Variants in SNX29 observed in about 807,000 individuals in gnomAD.
The protein encoded by SNX29 is sorting nexin-29.
SNX29 carries 78 observed loss-of-function variants against 102.1 expected under a neutral mutation model. That is an observed-to-expected ratio of 0.76 (90% CI 0.64 to 0.92). The LOEUF is 0.92. Ranked by LOEUF, SNX29 falls within the 40% of genes least tolerant of loss-of-function variation. The pLI is 0.00. For synonymous variants in SNX29, 580 were observed against 414.5 expected, an observed-to-expected ratio of 1.40 and a Z score of -4.85; for missense variants, 1,280 against 1,061.7, an observed-to-expected ratio of 1.21 and a Z score of -2.86.
chr16:12,058,797 G>GTTTTTTTT (rs34150245), intron 8 of SNX29, among the ~76,000 whole-genome samples: 1 of 113,744 alleles, frequency 8.8e-6, no homozygotes, highest in Non-Finnish European at 1.8e-5. Context: ...CCCGGCCTGG[G>GTTTTTTTT]TTTTTTTTTT....
At chr16:12,175,922 C>G (rs2076250712) in intron 13 of SNX29, among the ~76,000 whole-genome samples, 1 of 152,120 alleles carries the variant, frequency 6.6e-6, no homozygotes, top group Non-Finnish European at 1.5e-5. Flanking sequence ...AGGGAGATTG[C>G]TTGAGCCCAG....
intron 20 of SNX29, chr16:12,561,271 C>G (rs972071884): frequency 4.3e-6 from 1 of 230,044 alleles, no homozygotes; most frequent in African/African-American, 2.2e-5. Flanking sequence ...ATCCAAGGGG[C>G]TAAGACACAG....
At chr16:12,369,454 A>G (rs1443809484) in intron 16 of SNX29, among the ~76,000 whole-genome samples, 2 of 152,090 alleles carry the variant, frequency 1.3e-5, no homozygotes, top group Non-Finnish European at 2.9e-5. Context: ...ATATCTTAAT[A>G]TGATGTCATG....
chr16:12,516,295 C>T (rs1241900553), intron 19 of SNX29, among the ~76,000 whole-genome samples: 1 of 152,018 alleles, frequency 6.6e-6, no homozygotes, highest in African/African-American at 2.4e-5. Context: ...GCCTGGGCAA[C>T]ATAGTGAGAC....
chr16:12,292,146 A>G (rs1001302228), intron 15 of SNX29, among the ~76,000 whole-genome samples: 6 of 152,132 alleles, frequency 3.9e-5, no homozygotes, highest in African/African-American at 7.2e-5. Context: ...GGACCTTGCC[A>G]GTGAGACAGG....
At chr16:12,428,137 C>A (rs11647914) in intron 18 of SNX29, among the ~76,000 whole-genome samples, 20 of 152,314 alleles carry the variant, frequency 1.3e-4, no homozygotes, top group African/African-American at 4.6e-4. Context: ...TTCCCTGCCT[C>A]ATCACCCATC....
rs376169140 is a variant in SNX29 at position 12,568,651 on chromosome 16, G to A, written c.*22G>A. 1.6e-4 allele frequency: 253 copies of A among 1,599,298 alleles called. 5 individuals carry two copies. Among genetic ancestry groups the A allele is most frequent in the African/African-American group, 1.3e-3 (98 of 74,870 alleles). ...CTGACCTCGACAAAACCGCAGCCAC[G>A]GGCCCTGTGCGTGGCACCAGCTGCG... On this transcript the variant is annotated 3_prime_UTR_variant, in exon 21 of 21. Transcript: ENST00000566228.
intron 20 of SNX29, among the ~76,000 whole-genome samples, chr16:12,540,823 A>C (rs1285299066): frequency 6.6e-6 from 1 of 152,210 alleles, no homozygotes; most frequent in Non-Finnish European, 1.5e-5. Context: ...GAGAAGGGGC[A>C]AAAAGAAACA....
intron 13 of SNX29, among the ~76,000 whole-genome samples, chr16:12,162,933 G>A (rs1288787275): frequency 6.6e-6 from 1 of 152,064 alleles, no homozygotes; most frequent in Non-Finnish European, 1.5e-5. Context: ...CAAAGCTAGA[G>A]TGCAGTGGTA....
At chr16:12,481,455 C>CAT (rs1555549461) in intron 19 of SNX29, among the ~76,000 whole-genome samples, 19,646 of 117,868 alleles carry the variant, frequency 0.17, 1,935 homozygotes, top group African/African-American at 0.3. Context: ...CACATATATA[C>CAT]ATATATATAT....
intron 20 of SNX29, among the ~76,000 whole-genome samples, chr16:12,536,619 C>G (rs1567668826): frequency 6.6e-6 from 1 of 152,154 alleles, no homozygotes; most frequent in Non-Finnish European, 1.5e-5. Flanking sequence ...TTGGCTGTGG[C>G]TGCAGCAGGG....
At chr16:12,216,959 C>T (rs1211765063) in intron 14 of SNX29, among the ~76,000 whole-genome samples, 2 of 152,174 alleles carry the variant, frequency 1.3e-5, no homozygotes, top group Non-Finnish European at 2.9e-5. Flanking sequence ...GGTGGCCAAG[C>T]ACCCAGCAAA....
At chr16:12,316,365 A>T (rs1419595576) in intron 15 of SNX29, among the ~76,000 whole-genome samples, 2 of 152,122 alleles carry the variant, frequency 1.3e-5, no homozygotes, top group African/African-American at 4.8e-5. Flanking sequence ...CAACATGGGG[A>T]AACCCCGTCT....
At chr16:12,492,921 T>G (rs1002218199) in intron 19 of SNX29, among the ~76,000 whole-genome samples, 23 of 152,216 alleles carry the variant, frequency 1.5e-4, no homozygotes, top group African/African-American at 5.5e-4. Flanking sequence ...AAATGCTGTT[T>G]TGGTTACTGT....
rs2054175978 is a variant in SNX29, at chr16:12,125,605, C to CTCTTTT, written c.1403-1027_1403-1026insCTTTTT. Among the ~76,000 whole-genome samples, 3 of 45,454 alleles carry CTCTTTT rather than the reference C, an allele frequency of 6.6e-5. 1 individual carries two copies. The highest frequency in any genetic ancestry group is 8.3e-5 in the Non-Finnish European group (2 of 24,226). 29.8% of individuals were successfully genotyped at this position (45,454 alleles called of 152,430 possible). On this transcript the variant is annotated intron_variant, in intron 11 of 20. Coordinates refer to ENST00000566228, the MANE Select transcript of SNX29 (RefSeq NM_032167.5). Reference sequence around the variant, plus strand: ...AGGGGGGCTTGTGGCTGAGATCTCTCTTTTTTTTTTTTTTTTTTTTTTTTT... The same window carrying CTCTTTT: ...AGGGGGGCTTGTGGCTGAGATCTCTCTCTTTTTTTTTTTTTTTTTTTTTTTTTTTTT...
chr16:12,571,906 C>G lies in SNX29; in HGVS notation c.*3277C>G, dbSNP rs1270794104. 11 of 1,062,042 alleles carry G rather than the reference C, an allele frequency of 1.0e-5. No individual in the cohort carries two copies. The highest frequency in any genetic ancestry group is 4.6e-5 in the South Asian group (1 of 21,964). 65.8% of individuals were successfully genotyped at this position (1,062,042 alleles called of 1,614,324 possible). A position where few individuals can be genotyped will look rare whatever the true frequency, so the allele number is the denominator to read the frequency against. On this transcript the variant is annotated 3_prime_UTR_variant, in exon 21 of 21. Coordinates refer to ENST00000566228, the MANE Select transcript of SNX29 (RefSeq NM_032167.5). ...CTGAGGTTCAAAGCCCCCTGCATTT[C>G]TCTACTGGCAGGCCCTGGTGAAGGA...
intron 15 of SNX29, among the ~76,000 whole-genome samples, chr16:12,337,263 T>A (rs1596972923): frequency 6.6e-6 from 1 of 152,186 alleles, no homozygotes; most frequent in Non-Finnish European, 1.5e-5. Flanking sequence ...ATTAATTTTT[T>A]TTTTTTACTT....
chr16:12,137,300 G>A (rs1315052610), intron 13 of SNX29, among the ~76,000 whole-genome samples: 1 of 152,206 alleles, frequency 6.6e-6, no homozygotes, highest in Non-Finnish European at 1.5e-5. Context: ...TGGGGATGCT[G>A]AGGCGAGGCC....
At chr16:12,219,292 A>C (rs1158508758) in intron 14 of SNX29, among the ~76,000 whole-genome samples, 5 of 152,054 alleles carry the variant, frequency 3.3e-5, no homozygotes, top group African/African-American at 1.2e-4. Flanking sequence ...TCTTCTATAA[A>C]AGTGGTTTTC....
Sources: allele counts gnomAD v4.1 joint callset (sites outside exome capture counted in the v4.1 genomes callset), GRCh38; gene constraint gnomAD v4.1.1; transcripts MANE v1.5; gene names NCBI Gene and HGNC (gene_info 2026-07-23, HGNC 2026-07-21).